Variants in PKP3 observed in about 807,000 individuals in gnomAD.
PKP3 encodes the protein plakophilin 3.
Under a neutral mutation model 76.5 loss-of-function variants are expected in PKP3, and 66 were observed. That is an observed-to-expected ratio of 0.86 (90% confidence interval 0.71 to 1.06). The LOEUF (loss-of-function observed/expected upper bound fraction) is 1.06, where lower values mean the gene tolerates loss of function less well. Among genes scored for constraint, PKP3 ranks in the 50% least tolerant of loss-of-function variants. The probability of loss-of-function intolerance (pLI) is 0.00; values close to 1 mark genes in which losing one functional copy is unlikely to be tolerated. For missense variants in PKP3, 1,338 were observed against 1,141.0 expected (o/e 1.17, Z -2.49); for synonymous variants, 638 against 516.5 (o/e 1.24, Z -3.19).
rs371210813 is a variant in PKP3, at chr11:396,668, T to C, written c.293T>C (p.Leu98Pro). ...GGCTTCAGCTCTCGCTCTCAGGGCCTGAGTGGGGACAAGACCTCGGTGAGC... is the reference window on the plus strand; with the variant it reads ...GGCTTCAGCTCTCGCTCTCAGGGCCCGAGTGGGGACAAGACCTCGGTGAGC... ...QAGFSSRSQG[L>P]SGDKTSGFRP... The change falls in exon 2 of 13, where the codon CTG (leucine) becomes CCG (proline). Residue 98 changes from leucine to proline, a missense_variant. Physicochemically the swap from Leu to Pro is moderately conservative, Grantham distance 98. Coordinates refer to ENST00000331563, the MANE Select transcript of PKP3 (RefSeq NM_007183.4). 4.3e-6 allele frequency: 7 copies of C among 1,610,904 alleles called. No homozygotes were observed. The highest frequency in any genetic ancestry group is 1.3e-5 in the African/African-American group (1 of 74,918).
In PKP3 at chr11:404,360, G is replaced by T; in HGVS notation, c.2358+37G>T. ...GAGCCCAGGGCAAGCAGGGACCCGG[G>T]TGCAGGGCATGGGACGCCGGGGGAG... On this transcript the variant is annotated intron_variant, in intron 12 of 12. Coordinates refer to ENST00000331563, the MANE Select transcript of PKP3 (RefSeq NM_007183.4). The surrounding 1 kb of genome is among the most constrained non-coding windows in gnomAD (Gnocchi z 4.2). 1 of 1,577,492 alleles carries T rather than the reference G, an allele frequency of 6.3e-7. No individual in the cohort carries two copies. The highest frequency in any genetic ancestry group is 8.7e-7 in the Non-Finnish European group (1 of 1,147,980).
At chr11:395,414 G>T (rs557624897) in intron 1 of PKP3, among the ~76,000 whole-genome samples, 1 of 152,340 alleles carries the variant, frequency 6.6e-6, no homozygotes, top group African/African-American at 2.4e-5. Context: ...CCGGCCCGGC[G>T]GCCTGGACTG....
At chr11:394,945 A>T in intron 1 of PKP3, among the ~76,000 whole-genome samples, 1 of 152,006 alleles carries the variant, frequency 6.6e-6, no homozygotes, top group East Asian at 1.9e-4. Flanking sequence ...AATGAGCAGA[A>T]CGGGAAAGCG....
At position 399,160 on chromosome 11, in the gene PKP3, C is replaced by T. The variant is rs201118777; in HGVS notation, c.1237C>T (p.Arg413Trp). ...GATCTTCGAGCTGCTGCGGACACTG[C>T]GGGAGCAGGATGATGAGCTTCGCAA... ...NGIFELLRTL[R>W]EQDDELRKNV... The change falls in exon 5 of 13, where the codon CGG becomes TGG. Residue 413 changes from arginine to tryptophan, a missense_variant. Transcript: ENST00000331563. The T allele has an allele frequency of 1.1e-4, 172 of 1,608,434 alleles. 1 individual carries two copies. The East Asian group carries it at 2.7e-3, about 25-fold the overall frequency.
Position 396,918 on chromosome 11 carries a change from G to A in PKP3, c.417G>A (p.Gly139=), listed in dbSNP as rs1847054174. 3 of 1,595,078 alleles carry A rather than the reference G, an allele frequency of 1.9e-6. No individual in the cohort carries two copies. The highest frequency in any genetic ancestry group is 2.6e-6 in the Non-Finnish European group (3 of 1,174,434). The change falls in exon 3 of 13, where the codon GGG becomes GGA. Residue 139 remains glycine, a synonymous_variant. Coordinates refer to ENST00000331563, the MANE Select transcript of PKP3 (RefSeq NM_007183.4). ...CSRRLSSAHN[G]GSAFGAAGYG... is the part of the protein sequence containing the mutation. ...GGAGGCTGAGTTCAGCCCACAACGGGGGCAGCGCCTTTGGGGCCGCTGGGT... is the reference window on the plus strand; with the variant it reads ...GGAGGCTGAGTTCAGCCCACAACGGAGGCAGCGCCTTTGGGGCCGCTGGGT...
rs372305885 is a variant in PKP3, at chr11:404,004, C to T, written c.2139C>T (p.Pro713=). ...CGGGCAGCGTGGGTGAGAAGTCGCC[C>T]CCAGCCGAGGTGCTGGTCAACATCA... ...KLPGSVGEKS[P]PAEVLVNIIA... is the part of the protein sequence containing the mutation. The change falls in exon 11 of 13, where the codon CCC becomes CCT. Residue 713 remains proline, a synonymous_variant. Coordinates refer to ENST00000331563, the MANE Select transcript of PKP3 (RefSeq NM_007183.4). The surrounding 1 kb of genome is among the most constrained non-coding windows in gnomAD (Gnocchi z 4.2). 176 of 1,611,560 alleles carry T rather than the reference C, an allele frequency of 1.1e-4. No homozygotes were observed. The highest frequency in any genetic ancestry group is 1.5e-4 in the Non-Finnish European group (171 of 1,179,212).
In PKP3 at chr11:400,645, G is replaced by C. The variant is rs769569967; in HGVS notation, c.1677G>C (p.Ala559=). ...RLEGRGRRDL[A]GAPPGEVVGC... ...AGGGTCGCGGCCGCAGGGACCTGGC[G>C]GGGGCGCCGCCGGGAGAGGTCGTGG... Residue 559 remains alanine, a synonymous_variant, in exon 8 of 13, where the codon GCG becomes GCC. Transcript: ENST00000331563. The C allele has an allele frequency of 7.3e-6, 10 of 1,372,062 alleles. No individual in the cohort carries two copies. Among genetic ancestry groups the C allele is most frequent in the Non-Finnish European group, 4.7e-6 (5 of 1,070,112 alleles). 85.0% of individuals were successfully genotyped at this position (1,372,062 alleles called of 1,614,324 possible).
rs772045788 is a variant in PKP3, at chr11:403,194, C to G, written c.1854C>G (p.Cys618Trp). ...TGTACAACCGGCTGCTGCAGCGCTG[C>G]GAGCTCAACCGGCACACGACGGAGG... ...VGLYNRLLQR[C>W]ELNRHTTEAA... The change falls in exon 9 of 13, where the codon TGC (cysteine) becomes TGG (tryptophan). Residue 618 changes from cysteine to tryptophan, a missense_variant. By Grantham distance (215) the Cys-to-Trp change is radical. Coordinates refer to ENST00000331563, the MANE Select transcript of PKP3 (RefSeq NM_007183.4). The G allele has an allele frequency of 1.1e-5, 18 of 1,589,854 alleles. No individual in the cohort carries two copies. Among genetic ancestry groups the G allele is most frequent in the Non-Finnish European group, 1.5e-5 (18 of 1,170,256 alleles).
chr11:403,342 G>T (rs989803861), intron 9 of PKP3, 79 bp downstream of exon 9: 2 of 1,173,002 alleles, frequency 1.7e-6, no homozygotes, highest in Non-Finnish European at 2.4e-6. Flanking sequence ...GAGAGGGAGG[G>T]GAGGAGGAAG....
At chr11:399,253 C>T in intron 5 of PKP3, 57 bp downstream of exon 5, 5 of 1,150,066 alleles carry the variant, frequency 4.3e-6, no homozygotes, top group Non-Finnish European at 5.9e-6. Flanking sequence ...CTCTGCCTAT[C>T]CCCCCTGCCT....
chr11:396,184 A>C, intron 1 of PKP3: 1 of 175,562 alleles, frequency 5.7e-6, no homozygotes, highest in Non-Finnish European at 1.2e-5. Context: ...GTGACCGGGC[A>C]CAGATGAGGT....
chr11:394,572 G>C, intron 1 of PKP3, 48 bp downstream of exon 1: 1 of 1,319,038 alleles, frequency 7.6e-7, no homozygotes, highest in Middle Eastern at 2.8e-4. Flanking sequence ...GGGAGAGGTG[G>C]CTGCGGGCGG....
Position 404,102 on chromosome 11 carries a change from G to A in PKP3, c.2237G>A (p.Arg746Gln), listed in dbSNP as rs1325110281. The A allele has an allele frequency of 1.3e-5, 21 of 1,611,504 alleles. No individual in the cohort carries two copies. Among genetic ancestry groups the A allele is most frequent in the South Asian group, 2.2e-5 (2 of 90,986 alleles). Residue 746 changes from arginine to glutamine, a missense_variant, in exon 11 of 13, where the codon CGA becomes CAA. Physicochemically the swap from Arg to Gln is conservative, Grantham distance 43. Coordinates refer to ENST00000331563, the MANE Select transcript of PKP3 (RefSeq NM_007183.4). This position sits in a 1 kb window ranked among gnomAD's most constrained non-coding sequence, Gnocchi z 4.2. ...GACCTGCTGTATTTTGACGGACTCC[G>A]AAAGCTCATCTTCATCAAGAAGAAG... ...ARDLLYFDGL[R>Q]KLIFIKKKRD...
In PKP3 at chr11:400,035, C is replaced by T. The variant is rs765652644; in HGVS notation, c.1342C>T (p.Leu448Phe). The change falls in exon 6 of 13, where the codon CTC becomes TTC. Residue 448 changes from leucine (L) to phenylalanine (F), a missense_variant. Leu to Phe is a conservative substitution (Grantham distance 22). Transcript: ENST00000331563. ...CCTGGCCAGAGACACGCTGGAGCAGCTCACAGACCTGGTGTTGAGCCCCCT... is the reference window on the plus strand; with the variant it reads ...CCTGGCCAGAGACACGCTGGAGCAGTTCACAGACCTGGTGTTGAGCCCCCT... ...DRLARDTLEQ[L>F]TDLVLSPLSG... 6.2e-7 allele frequency: 1 copy of T among 1,608,364 alleles called. No homozygotes were observed. Among genetic ancestry groups the T allele is most frequent in the South Asian group, 1.1e-5 (1 of 90,470 alleles).
rs201982353 is a variant in PKP3, at chr11:397,143, G to T, written c.642G>T (p.Ala214=). 4 of 1,597,822 alleles carry T rather than the reference G, an allele frequency of 2.5e-6. No homozygotes were observed. Among genetic ancestry groups the T allele is most frequent in the Admixed American group, 1.7e-5 (1 of 59,896 alleles). The change falls in exon 3 of 13, where the codon GCG becomes GCT. Residue 214 remains alanine, a synonymous_variant. Transcript: ENST00000331563. ...CCACCTCCACCTACAGGGCCTTTGC[G>T]TACGAGCGCCAGGCCAGCTCCAGCT... ...PAATSTYRAF[A]YERQASSSSS...
chr11:400,290 G>A, intron 6 of PKP3, 44 bp from the exon 7 acceptor site: 2 of 1,494,146 alleles, frequency 1.3e-6, no homozygotes, highest in Non-Finnish European at 1.8e-6. Context: ...GCAAGGCCCG[G>A]GATGCGGGGT....
In PKP3 at chr11:395,049, G is replaced by C. The variant is rs913936481; in HGVS notation, c.232+525G>C. 4.6e-5 allele frequency among the ~76,000 whole-genome samples: 7 copies of C among 152,176 alleles called. 1 individual carries two copies. The South Asian group carries it at 1.5e-3, about 32-fold the overall frequency. On this transcript the variant is annotated intron_variant, in intron 1 of 12. Transcript: ENST00000331563. ...GGAATTAGAGGGGAGGGCCCGGCTG[G>C]AGTGACCTAGATTTCTCTGTGGGAA...
upstream of PKP3, chr11:392,798 C>T (rs922312089): frequency 1.8e-6 from 1 of 566,332 alleles, no homozygotes; most frequent in South Asian, 1.5e-5. Context: ...CCTTCCCCTC[C>T]CCCTTTAACC....
chr11:395,679 G>A (rs1847036292), intron 1 of PKP3, among the ~76,000 whole-genome samples: 1 of 152,174 alleles, frequency 6.6e-6, no homozygotes, highest in Non-Finnish European at 1.5e-5. Context: ...GGTGAACCTG[G>A]GGCCTCTGCC....
Sources: gnomAD v4.1 joint callset for allele counts (sites outside exome capture counted in the v4.1 genomes callset) on GRCh38, gnomAD v4.1.1 for gene constraint, Gnocchi (gnomAD v3.1) non-coding constraint, MANE v1.5 for transcripts, NCBI Gene and HGNC (gene_info 2026-07-23, HGNC 2026-07-21) for gene names.